The following HSPG2 variants were observed in gnomAD, a reference collection of about 807,000 sequenced individuals.
HSPG2 encodes the protein basement membrane-specific heparan sulfate proteoglycan core protein.
HSPG2 carries 278 observed loss-of-function variants against 526.6 expected under a neutral mutation model. That is an observed-to-expected ratio of 0.53 (90% CI 0.48 to 0.58). HSPG2 has a LOEUF of 0.58. HSPG2 is among the 20% of genes least tolerant of loss of function. The pLI, the probability that HSPG2 is intolerant of heterozygous loss-of-function variation, is 0.00. For missense variants in HSPG2, 5,354 were observed against 6,099.5 expected (o/e 0.88, Z 4.07); for synonymous variants, 2,465 against 2,555.4 (o/e 0.96, Z 1.07).
chr1:21,856,241 G>A (rs559803083), intron 44 of HSPG2, among the ~76,000 whole-genome samples: 2 of 152,116 alleles, frequency 1.3e-5, no homozygotes, highest in Non-Finnish European at 2.9e-5. Flanking sequence ...ACATAGCAAC[G>A]TGCTCCTGCC....
rs774685568 is a variant in HSPG2, at chr1:21,836,836, G to A, written c.10321C>T (p.Pro3441Ser). 48 of 1,578,702 alleles carry A rather than the reference G, an allele frequency of 3.0e-5. No homozygotes were observed. In the South Asian group the frequency reaches 5.4e-4, roughly 18 times the overall value. Residue 3441 changes from proline to serine, a missense_variant, in exon 75 of 97, where the codon CCT becomes TCT. By Grantham distance (74) the Pro-to-Ser change is moderately conservative. Transcript: ENST00000374695. ...CCATCCTGCACGCTGTGACCCGGAGGCAGCTGACCCCCTTCCTTGAACCAA... is the reference window on the plus strand; with the variant it reads ...CCATCCTGCACGCTGTGACCCGGAGACAGCTGACCCCCTTCCTTGAACCAA... ...LRWFKEGGQL[P>S]PGHSVQDGVL...
chr1:21,917,151 G>A (rs1266433606), intron 1 of HSPG2, among the ~76,000 whole-genome samples: 1 of 152,212 alleles, frequency 6.6e-6, no homozygotes, highest in Non-Finnish European at 1.5e-5. Context: ...GGGCAGAATG[G>A]CTGGGCGCGG....
intron 17 of HSPG2, among the ~76,000 whole-genome samples, chr1:21,879,643 C>T (rs1161321152): frequency 1.7e-5 from 2 of 114,986 alleles, no homozygotes; most frequent in Non-Finnish European, 3.6e-5. Context: ...TGTCTGGATG[C>T]TGTATCTCTG....
At position 21,893,326 on chromosome 1, in the gene HSPG2, C is replaced by A. The variant is rs938496694; in HGVS notation, c.244+2596G>T. 6.6e-6 allele frequency among the ~76,000 whole-genome samples: 1 copy of A among 152,174 alleles called. No individual in the cohort carries two copies. The highest frequency in any genetic ancestry group is 2.4e-5 in the African/African-American group (1 of 41,446). ...GTCAACACCCCATGGGGAAGAACGC[C>A]CGCCAGGGTTCCAGCCCACTGTGTT... On this transcript the variant is annotated intron_variant, in intron 3 of 96. Transcript: ENST00000374695. This position sits in a 1 kb window ranked among gnomAD's most constrained non-coding sequence, Gnocchi z 4.3.
At chr1:21,900,353 C>A (rs1191218297) in intron 1 of HSPG2, among the ~76,000 whole-genome samples, 2 of 152,180 alleles carry the variant, frequency 1.3e-5, no homozygotes, top group East Asian at 3.8e-4. Context: ...CAGGGTGACC[C>A]CCAGTGGGCA....
intron 56 of HSPG2, 72 bp from the exon 57 acceptor site, chr1:21,850,264 A>G (rs888882322): frequency 3.2e-5 from 51 of 1,611,970 alleles, no homozygotes; most frequent in Non-Finnish European, 3.6e-5. Context: ...GTCTCAAGGC[A>G]GGTGCAGTCT....
chr1:21,854,324 C>T lies in HSPG2; in HGVS notation c.6308G>A (p.Arg2103Gln), dbSNP rs751330969. The T allele has an allele frequency of 1.5e-5, 24 of 1,571,574 alleles. No individual in the cohort carries two copies. Among genetic ancestry groups the T allele is most frequent in the Middle Eastern group, 1.7e-4 (1 of 5,744 alleles). Residue 2103 changes from arginine (R) to glutamine (Q), a missense_variant, in exon 50 of 97, where the codon CGG becomes CAG. By Grantham distance (43) the Arg-to-Gln change is conservative. Transcript: ENST00000374695. ...ATCAGCTGGTGAGACCTGGGGGAGC[C>T]GCAGACGGGAGCCGTGCACCTGGGC... is the stretch of plus-strand genomic sequence containing the variant. ...PHTQVHGSRL[R>Q]LPQVSPADSG...
chr1:21,836,986 C>T lies in HSPG2; in HGVS notation c.10171G>A (p.Ala3391Thr). 2 of 1,552,496 alleles carry T rather than the reference C, an allele frequency of 1.3e-6. No individual in the cohort carries two copies. Among genetic ancestry groups the T allele is most frequent in the Non-Finnish European group, 8.7e-7 (1 of 1,148,510 alleles). The change falls in exon 75 of 97, where the codon GCC (alanine) becomes ACC (threonine). Residue 3391 changes from alanine to threonine, a missense_variant. Coordinates refer to ENST00000374695, the MANE Select transcript of HSPG2 (RefSeq NM_005529.7). ...LVQGPPGSLPATSIPAGSTPT... is the reference protein window; with the variant it reads ...LVQGPPGSLPTTSIPAGSTPT... ...GTGGACCCTGCTGGGATGGAGGTGG[C>T]AGGGAGAGAGCCGGGAGGGCCTGCG... is the stretch of plus-strand genomic sequence containing the variant.
At position 21,851,598 on chromosome 1, in the gene HSPG2, T is replaced by G. The variant is rs199845995; in HGVS notation, c.7106A>C (p.His2369Pro). 1.5e-5 allele frequency: 25 copies of G among 1,613,800 alleles called. No homozygotes were observed. Among genetic ancestry groups the G allele is most frequent in the East Asian group, 4.5e-5 (2 of 44,858 alleles). Reference protein sequence around the residue: ...DLNCVVPGQSHAQVTWHKRGG... With the variant: ...DLNCVVPGQSPAQVTWHKRGG... ...ACGCTTGTGCCACGTGACCTGGGCA[T>G]GGGACTGCCCGGGCACCACGCAGTT... Residue 2369 changes from histidine to proline, a missense_variant, in exon 55 of 97, where the codon CAT becomes CCT. Transcript: ENST00000374695.
chr1:21,872,167 G>C lies in HSPG2; in HGVS notation c.4221+19C>G. 6.4e-7 allele frequency: 1 copy of C among 1,551,476 alleles called. No homozygotes were observed. Among genetic ancestry groups the C allele is most frequent in the South Asian group, 1.2e-5 (1 of 84,054 alleles). ...CATGTCTGAGTCACGGCTGACCCTGGTGCTTGGCTGGGGCCCACCTTGTCT... is the reference window on the plus strand; with the variant it reads ...CATGTCTGAGTCACGGCTGACCCTGCTGCTTGGCTGGGGCCCACCTTGTCT... On this transcript the variant is annotated intron_variant, in intron 33 of 96. Transcript: ENST00000374695. This position sits in a 1 kb window ranked among gnomAD's most constrained non-coding sequence, Gnocchi z 5.5.
chr1:21,828,367 G>C lies in HSPG2; in HGVS notation c.12297C>G (p.Ile4099Met), dbSNP rs553392857. The C allele has an allele frequency of 6.2e-7, 1 of 1,613,726 alleles. No homozygotes were observed. The highest frequency in any genetic ancestry group is 8.5e-7 in the Non-Finnish European group (1 of 1,180,026). Reference protein sequence around the residue: ...LTYSFLGSQGIGQCYDSSPCE... With the variant: ...LTYSFLGSQGMGQCYDSSPCE... ...ATGGGGAGCTATCATAGCATTGCCC[G>C]ATGCCCTGGCTGCCTAGGAAACTGT... is the stretch of plus-strand genomic sequence containing the variant. The change falls in exon 89 of 97, where the codon ATC becomes ATG. Residue 4099 changes from isoleucine to methionine, a missense_variant. By Grantham distance (10) the Ile-to-Met change is conservative. Coordinates refer to ENST00000374695, the MANE Select transcript of HSPG2 (RefSeq NM_005529.7). This position sits in a 1 kb window ranked among gnomAD's most constrained non-coding sequence, Gnocchi z 6.0.
Position 21,865,815 on chromosome 1 carries a change from A to C in HSPG2, c.4222-6T>G. 2 of 1,611,792 alleles carry C rather than the reference A, an allele frequency of 1.2e-6. No homozygotes were observed. The highest frequency in any genetic ancestry group is 1.7e-6 in the Non-Finnish European group (2 of 1,178,352). ...TTCCCACCGTAGGCCGCCACCTGCA[A>C]AGAGGCAAGCCCAGAGGTCACAGGC... On this transcript the variant is annotated splice_region_variant and splice_polypyrimidine_tract_variant and intron_variant, in intron 33 of 96. Coordinates refer to ENST00000374695, the MANE Select transcript of HSPG2 (RefSeq NM_005529.7). The surrounding 1 kb of genome is among the most constrained non-coding windows in gnomAD (Gnocchi z 5.4).
rs77713482 is a variant in HSPG2 at position 21,839,030 on chromosome 1, C to T, written c.9945G>A (p.Thr3315=). 1,050 of 1,603,102 alleles carry T rather than the reference C, an allele frequency of 6.5e-4. 6 individuals are homozygous for T. The African/African-American group carries it at 0.011, about 17-fold the overall frequency. Residue 3315 remains threonine (T), a synonymous_variant, in exon 74 of 97, where the codon ACG becomes ACA. Coordinates refer to ENST00000374695, the MANE Select transcript of HSPG2 (RefSeq NM_005529.7). This position sits in a 1 kb window ranked among gnomAD's most constrained non-coding sequence, Gnocchi z 4.5. Reference sequence around the variant, plus strand: ...CGTGAGCCAGGCACTGGAGCTGCACCGTCTCCCCTGCCTGCACCGAAGCGT... The same window carrying T: ...CGTGAGCCAGGCACTGGAGCTGCACTGTCTCCCCTGCCTGCACCGAAGCGT... ...PEHASVQAGE[T]VQLQCLAHGT...
intron 6 of HSPG2, 100 bp downstream of exon 6, chr1:21,889,881 T>C: frequency 8.4e-7 from 1 of 1,194,178 alleles, no homozygotes; most frequent in Non-Finnish European, 1.3e-6. Context: ...TCCCTGTTTC[T>C]AGTGGTGTGC....
chr1:21,926,983 A>G (rs1644213446), intron 1 of HSPG2, among the ~76,000 whole-genome samples: 1 of 151,902 alleles, frequency 6.6e-6, no homozygotes, highest in African/African-American at 2.4e-5. Flanking sequence ...CAGGACCAGG[A>G]GGTGGGGGCC....
Position 21,857,154 on chromosome 1 carries a change from C to T in HSPG2, c.5436G>A (p.Gly1812=), listed in dbSNP as rs540597567. ...AATCCATGGCTCGGGTGGGCAGTTT[C>T]CCGTTGTGCAGGCGGGTCCACACCA... ...YTLVWTRLHN[G]KLPTRAMDFN... is the part of the protein sequence containing the mutation. The change falls in exon 44 of 97, where the codon GGG becomes GGA. Residue 1812 remains glycine (G), a synonymous_variant. Transcript: ENST00000374695. 1 of 1,614,104 alleles carries T rather than the reference C, an allele frequency of 6.2e-7. No individual in the cohort carries two copies.
chr1:21,856,160 A>C (rs1409700206), intron 44 of HSPG2, among the ~76,000 whole-genome samples: 1 of 151,796 alleles, frequency 6.6e-6, no homozygotes, highest in African/African-American at 2.4e-5. Context: ...CACATACTCC[A>C]TGCTCTCCCG....
At chr1:21,831,177 G>A (rs753689012) in intron 84 of HSPG2, 38 bp downstream of exon 84, 3 of 1,602,586 alleles carry the variant, frequency 1.9e-6, no homozygotes, top group Non-Finnish European at 1.7e-6. Flanking sequence ...AGGGGTGGAG[G>A]CCACGGCAGC....
chr1:21,846,003 T>G (rs1315672724), intron 64 of HSPG2, 105 bp downstream of exon 64: 9 of 1,379,790 alleles, frequency 6.5e-6, no homozygotes, highest in Non-Finnish European at 1.0e-6. Context: ...AGAGCGGCAG[T>G]TCTCGCCGAG....
Sources: gnomAD v4.1 joint callset for allele counts (sites outside exome capture counted in the v4.1 genomes callset) on GRCh38, gnomAD v4.1.1 for gene constraint, Gnocchi (gnomAD v3.1) non-coding constraint, MANE v1.5 for transcripts, NCBI Gene and HGNC (gene_info 2026-07-23, HGNC 2026-07-21) for gene names.